OXNAD1: variants seen among roughly 807,000 people sequenced by gnomAD.
OXNAD1 encodes oxidoreductase NAD-binding domain-containing protein 1.
OXNAD1 carries 34 observed loss-of-function variants against 32.9 expected under a neutral mutation model. That is an observed-to-expected ratio of 1.03 (90% CI 0.79 to 1.38). The LOEUF (loss-of-function observed/expected upper bound fraction) is 1.38. Ranked by LOEUF, OXNAD1 falls within the 40% of genes most tolerant of loss-of-function variation. The pLI, the probability that OXNAD1 is intolerant of heterozygous loss-of-function variation, is 0.00. For missense variants in OXNAD1, 407 were observed against 379.4 expected (o/e 1.07, Z -0.60); for synonymous variants, 134 against 135.2 (o/e 0.99, Z 0.06).
At chr3:16,281,747 A>T (rs1295709261) in intron 4 of OXNAD1, among the ~76,000 whole-genome samples, 2 of 152,176 alleles carry the variant, frequency 1.3e-5, no homozygotes, top group Non-Finnish European at 2.9e-5. Context: ...CAGGTGTCTC[A>T]GCTGAAATTC....
chr3:16,268,451 T>C (rs899410066), intron 1 of OXNAD1, among the ~76,000 whole-genome samples: 12 of 149,126 alleles, frequency 8.0e-5, no homozygotes, highest in Non-Finnish European at 1.5e-5. Context: ...TGCCTCAGCC[T>C]CCTTAGTAAC....
intron 4 of OXNAD1, among the ~76,000 whole-genome samples, chr3:16,285,447 G>A (rs2066010989): frequency 6.6e-6 from 1 of 152,214 alleles, no homozygotes; most frequent in South Asian, 2.1e-4. Context: ...ATAGAAGGTT[G>A]AGGAAGGAAA....
chr3:16,266,602 CAAAAAAA>C (rs77883979), intron 1 of OXNAD1, among the ~76,000 whole-genome samples: 19 of 73,090 alleles, frequency 2.6e-4, no homozygotes, highest in African/African-American at 1.0e-3. Flanking sequence ...GACGCTGTCT[CAAAAAAA>C]AAAAAAAAAA....
intron 5 of OXNAD1, among the ~76,000 whole-genome samples, chr3:16,291,809 T>C (rs7637475): frequency 0.59 from 89,870 of 152,080 alleles, 26,737 homozygotes; most frequent in African/African-American, 0.66. Context: ...TCAGGCACTA[T>C]TAAATTGTTT....
In OXNAD1 at chr3:16,342,667, G is replaced by A. The variant is rs2071393201; in HGVS notation, c.*31-6509G>A. On this transcript the variant is annotated intron_variant, in intron 9 of 9. Transcript: ENST00000606098. The surrounding 1 kb of genome is among the most constrained non-coding windows in gnomAD (Gnocchi z 4.0). Reference sequence around the variant, plus strand: ...AAGCAGAGGCCTCTTGGCCTCACTAGACTAGTTCTCAAGCCTTCTTAAGTC... The same window carrying A: ...AAGCAGAGGCCTCTTGGCCTCACTAAACTAGTTCTCAAGCCTTCTTAAGTC... Among the ~76,000 whole-genome samples the A allele has an allele frequency of 6.6e-6, 1 of 152,180 alleles. No individual in the cohort carries two copies. The highest frequency in any genetic ancestry group is 2.1e-4 in the South Asian group (1 of 4,828).
At chr3:16,267,945 A>G (rs1489159745) in intron 1 of OXNAD1, among the ~76,000 whole-genome samples, 1 of 152,212 alleles carries the variant, frequency 6.6e-6, no homozygotes, top group East Asian at 1.9e-4. Flanking sequence ...AATGGGTGTC[A>G]GTTTTATTTA....
In OXNAD1 at chr3:16,303,818, G is replaced by T. The variant is rs1460527784; in HGVS notation, c.*256G>T. Reference sequence around the variant, plus strand: ...AACAACGATTTAATTGTCTCATGATGTACCATGATTGGTCAGTATAGATTT... The same window carrying T: ...AACAACGATTTAATTGTCTCATGATTTACCATGATTGGTCAGTATAGATTT... On this transcript the variant is annotated 3_prime_UTR_variant, in exon 9 of 9. Coordinates refer to ENST00000285083, the MANE Select transcript of OXNAD1 (RefSeq NM_138381.5). The surrounding 1 kb of genome is among the most constrained non-coding windows in gnomAD (Gnocchi z 4.8). 3.2e-6 allele frequency: 1 copy of T among 313,230 alleles called. No homozygotes were observed. The highest frequency in any genetic ancestry group is 5.9e-6 in the Non-Finnish European group (1 of 169,908). 19.4% of individuals were successfully genotyped at this position (313,230 alleles called of 1,614,324 possible).
At position 16,299,422 on chromosome 3, in the gene OXNAD1, C is replaced by A. The variant is rs767553372; in HGVS notation, c.433-2204C>A. ...CTCCCTTGCTGCTAATTTCTTTTGT[C>A]AAAAATGAAAACCCACTTATCACCA... On this transcript the variant is annotated intron_variant, in intron 6 of 8. Transcript: ENST00000285083. The surrounding 1 kb of genome is among the most constrained non-coding windows in gnomAD (Gnocchi z 4.4). Among the ~76,000 whole-genome samples the A allele has an allele frequency of 6.6e-6, 1 of 152,112 alleles. No individual in the cohort carries two copies. The highest frequency in any genetic ancestry group is 2.4e-5 in the African/African-American group (1 of 41,430).
chr3:16,277,129 G>A lies in OXNAD1; in HGVS notation c.183+5407G>A, dbSNP rs1485156551. On this transcript the variant is annotated intron_variant, in intron 4 of 8. Transcript: ENST00000285083. The surrounding 1 kb of genome is among the most constrained non-coding windows in gnomAD (Gnocchi z 4.3). ...TTTTTAGTAGAGACGGGGTTTCACT[G>A]TGTTGGCCAGGCTTGTCTTGAACTC... 6.6e-6 allele frequency among the ~76,000 whole-genome samples: 1 copy of A among 152,016 alleles called. No homozygotes were observed. Among genetic ancestry groups the A allele is most frequent in the African/African-American group, 2.4e-5 (1 of 41,464 alleles).
In OXNAD1 at chr3:16,326,707, A is replaced by C. The variant is rs928100236; in HGVS notation, c.*31-10405A>C. On this transcript the variant is annotated intron_variant, in intron 9 of 9. Coordinates refer to the OXNAD1 transcript ENST00000435829. ...AATAATTTATAGACGTGAGGTGCTC[A>C]TTAGGAACAGTGACTAGCACAGAGT... is the stretch of plus-strand genomic sequence containing the variant. 7 of 1,236,992 alleles carry C rather than the reference A, an allele frequency of 5.7e-6. No individual in the cohort carries two copies. The South Asian group carries it at 7.5e-5, about 13-fold the overall frequency. The allele number at this position is 1,236,992 out of a possible 1,614,324, so 76.6% of individuals were successfully genotyped here. A position where few individuals can be genotyped will look rare whatever the true frequency, so the allele number is the denominator to read the frequency against.
intron 5 of OXNAD1, among the ~76,000 whole-genome samples, chr3:16,292,720 C>T (rs2125061779): frequency 6.6e-6 from 1 of 152,264 alleles, no homozygotes; most frequent in South Asian, 2.1e-4. Flanking sequence ...AAATAGGGGT[C>T]CAAATTCATT....
In OXNAD1 at chr3:16,321,173, G is replaced by C. The variant is rs529456464; in HGVS notation, c.*31-15939G>C. 6.6e-6 allele frequency among the ~76,000 whole-genome samples: 1 copy of C among 152,258 alleles called. No homozygotes were observed. Among genetic ancestry groups the C allele is most frequent in the African/African-American group, 2.4e-5 (1 of 41,544 alleles). ...TGGCCAGGTGGGCGAGGTATGGGGA[G>C]GGGGACAGTCATAGGTTTCCTCGAG... On this transcript the variant is annotated intron_variant, in intron 9 of 9. Transcript: ENST00000435829. This position sits in a 1 kb window ranked among gnomAD's most constrained non-coding sequence, Gnocchi z 4.8.
At position 16,317,316 on chromosome 3, in the gene OXNAD1, A is replaced by C; in HGVS notation, c.*30+13724A>C. ...CAAAGCCTTGTTTGCATTCATACCC[A>C]CACCATGTCTGAGTGAGACATACAA... On this transcript the variant is annotated intron_variant, in intron 9 of 9. Transcript: ENST00000435829. The surrounding 1 kb of genome is among the most constrained non-coding windows in gnomAD (Gnocchi z 4.3). 1.4e-6 allele frequency: 2 copies of C among 1,411,534 alleles called. No individual in the cohort carries two copies. Among genetic ancestry groups the C allele is most frequent in the Non-Finnish European group, 9.7e-7 (1 of 1,027,244 alleles). 87.4% of individuals were successfully genotyped at this position (1,411,534 alleles called of 1,614,324 possible).
At position 16,297,153 on chromosome 3, in the gene OXNAD1, A is replaced by G. The variant is rs752858406; in HGVS notation, c.432+2156A>G. On this transcript the variant is annotated intron_variant, in intron 6 of 8. Coordinates refer to ENST00000285083, the MANE Select transcript of OXNAD1 (RefSeq NM_138381.5). This position sits in a 1 kb window ranked among gnomAD's most constrained non-coding sequence, Gnocchi z 4.3. ...AAAAGTCAACAAAAAGAAACAAGCA[A>G]CATGATTTTTTTAAATGGACAAAGG... Among the ~76,000 whole-genome samples the G allele has an allele frequency of 2.0e-5, 3 of 152,240 alleles. No homozygotes were observed. Among genetic ancestry groups the G allele is most frequent in the Non-Finnish European group, 4.4e-5 (3 of 68,034 alleles).
chr3:16,287,722 C>T lies in OXNAD1; in HGVS notation c.290+1274C>T, dbSNP rs900310228. ...TGTGCATTGGTTATTGTGCTGCCAC[C>T]GTGGTGTGCCTGCAAGTGTAATGCA... is the stretch of plus-strand genomic sequence containing the variant. On this transcript the variant is annotated intron_variant, in intron 5 of 8. Coordinates refer to ENST00000285083, the MANE Select transcript of OXNAD1 (RefSeq NM_138381.5). This position sits in a 1 kb window ranked among gnomAD's most constrained non-coding sequence, Gnocchi z 4.8. Among the ~76,000 whole-genome samples the T allele has an allele frequency of 2.0e-5, 3 of 152,148 alleles. No individual in the cohort carries two copies. The highest frequency in any genetic ancestry group is 1.9e-4 in the East Asian group (1 of 5,196).
intron 4 of OXNAD1, among the ~76,000 whole-genome samples, chr3:16,272,794 G>A (rs2065048654): frequency 6.6e-6 from 1 of 151,270 alleles, no homozygotes; most frequent in South Asian, 2.1e-4. Flanking sequence ...TGCTGATTCT[G>A]TAAATGTGAG....
rs1277747188 is a variant in OXNAD1 at position 16,336,488 on chromosome 3, G to A, written c.*31-624G>A. Among the ~76,000 whole-genome samples the A allele has an allele frequency of 6.6e-6, 1 of 152,192 alleles. No individual in the cohort carries two copies. Among genetic ancestry groups the A allele is most frequent in the African/African-American group, 2.4e-5 (1 of 41,446 alleles). On this transcript the variant is annotated intron_variant, in intron 9 of 9. Transcript: ENST00000435829. This position sits in a 1 kb window ranked among gnomAD's most constrained non-coding sequence, Gnocchi z 6.0. ...CACCCTCAGCCTCCCAGGCCTCTGC[G>A]GGAGGGAGGGACAGGCACGCTGGCC...
intron 9 of OXNAD1, among the ~76,000 whole-genome samples, chr3:16,331,561 A>G (rs1411136495): frequency 2.6e-5 from 4 of 151,954 alleles, no homozygotes; most frequent in African/African-American, 4.8e-5. Flanking sequence ...TCCTGGTTGT[A>G]CCTGAACCCA....
chr3:16,334,113 C>T lies in OXNAD1; in HGVS notation c.*31-2999C>T, dbSNP rs563807977. Among the ~76,000 whole-genome samples the T allele has an allele frequency of 3.2e-4, 48 of 152,112 alleles. No homozygotes were observed. Among genetic ancestry groups the T allele is most frequent in the African/African-American group, 9.4e-4 (39 of 41,504 alleles). ...CTAGGAGGCAGAAGCTGCAGTGAGC[C>T]GAGATCGTGCCACTGCACTCCAGCC... On this transcript the variant is annotated intron_variant, in intron 9 of 9. Transcript: ENST00000435829. This position sits in a 1 kb window ranked among gnomAD's most constrained non-coding sequence, Gnocchi z 4.3.
Sources: allele counts gnomAD v4.1 joint callset (sites outside exome capture counted in the v4.1 genomes callset), GRCh38; gene constraint gnomAD v4.1.1; non-coding constraint Gnocchi (gnomAD v3.1); transcripts MANE v1.5; gene names NCBI Gene and HGNC (gene_info 2026-07-23, HGNC 2026-07-21).